C5: variants seen among roughly 807,000 people sequenced by gnomAD.
C5 encodes the protein complement C5, also known as C3 and PZP-like alpha-2-macroglobulin domain-containing protein 4.
A neutral mutation model predicts 218.8 loss-of-function variants in C5; 140 were observed. The observed-to-expected ratio is 0.64, with a 90% CI of 0.56 to 0.74. The LOEUF is 0.74. Ranked by LOEUF, C5 falls within the 30% of genes least tolerant of loss-of-function variation. The pLI, the probability that C5 is intolerant of heterozygous loss-of-function variation, is 0.00. For missense variants in C5, 1,700 were observed against 1,969.6 expected (o/e 0.86, Z 2.59); for synonymous variants, 614 against 682.3 (o/e 0.90, Z 1.56).
intron 11 of C5, among the ~76,000 whole-genome samples, chr9:121,021,081 G>A (rs184333576): frequency 2.0e-5 from 3 of 152,228 alleles, no homozygotes; most frequent in East Asian, 3.9e-4. Context: ...TATTTGCTGC[G>A]AGAGAAGACT....
chr9:121,069,979 A>T, the C5 span, among the ~76,000 whole-genome samples: 1 of 152,220 alleles, frequency 6.6e-6, no homozygotes, highest in Non-Finnish European at 1.5e-5. Context: ...TATCAAAGAC[A>T]CGTCTGCATC....
chr9:121,065,651 A>AATTTTT, the C5 span, among the ~76,000 whole-genome samples: 1,223 of 152,168 alleles, frequency 8.0e-3, 10 homozygotes, highest in East Asian at 0.03. Context: ...ACACCTGGCT[A>AATTTTT]ATTTTTATTT....
rs138510251 is a variant in C5, at chr9:120,960,274, G to A, written c.4652C>T (p.Thr1551Ile). The A allele has an allele frequency of 1.9e-6, 3 of 1,612,908 alleles. No homozygotes were observed. Among genetic ancestry groups the A allele is most frequent in the Admixed American group, 1.7e-5 (1 of 60,016 alleles). The change falls in exon 38 of 41, where the codon ACA becomes ATA. Residue 1551 changes from threonine to isoleucine, a missense_variant. Transcript: ENST00000223642. Reference protein sequence around the residue: ...LTISAETRKQTACKPEIAYAY... With the variant: ...LTISAETRKQIACKPEIAYAY... Reference sequence around the variant, plus strand: ...ATATGCAATCTCTGGTTTACATGCTGTTTGTTTTCTTGTCTCTGCAGAGAT... The same window carrying A: ...ATATGCAATCTCTGGTTTACATGCTATTTGTTTTCTTGTCTCTGCAGAGAT...
At position 121,021,525 on chromosome 9, in the gene C5, G is replaced by T. The variant is rs145461325; in HGVS notation, c.1286C>A (p.Thr429Lys). The change falls in exon 11 of 41, where the codon ACG becomes AAG. Residue 429 changes from threonine (T) to lysine (K), a missense_variant. Coordinates refer to ENST00000223642, the MANE Select transcript of C5 (RefSeq NM_001735.3). The part of the protein sequence containing the change: ...SFVLNLPSGV[T>K]VLEFNVKTDA... ...TCAGCTCACATTAAACTCCAGCACC[G>T]TCACTCCAGATGGGAGATTAAGCAC... The T allele has an allele frequency of 1.8e-4, 293 of 1,613,036 alleles. No individual in the cohort carries two copies. Among genetic ancestry groups the T allele is most frequent in the Admixed American group, 1.2e-3 (74 of 59,998 alleles).
rs759258630 is a variant in C5 at position 121,034,805 on chromosome 9, A to G, written c.582T>C (p.Pro194=). Residue 194 remains proline (P), a splice_region_variant and synonymous_variant, in exon 5 of 41, where the codon CCT becomes CCC. Coordinates refer to ENST00000223642, the MANE Select transcript of C5 (RefSeq NM_001735.3). ...SFPDFKIPSN[P]RYGMWTIKAK... Reference sequence around the variant, plus strand: ...TATTAACAACTATTTTTACATACCTAGGATTAGACGGAATCTTGAAGTCAG... The same window carrying G: ...TATTAACAACTATTTTTACATACCTGGGATTAGACGGAATCTTGAAGTCAG... The G allele has an allele frequency of 2.6e-6, 4 of 1,518,472 alleles. No homozygotes were observed. In the South Asian group the frequency reaches 4.5e-5, roughly 17 times the overall value. 94.1% of individuals were successfully genotyped at this position (1,518,472 alleles called of 1,614,324 possible). A position where few individuals can be genotyped will look rare whatever the true frequency, so the allele number is the denominator to read the frequency against.
chr9:121,042,639 CT>C (rs2047591001), intron 3 of C5, among the ~76,000 whole-genome samples: 2 of 152,190 alleles, frequency 1.3e-5, no homozygotes, highest in African/African-American at 4.8e-5. Context: ...GTTTTCCAAA[CT>C]TTTACAATAA....
chr9:121,061,204 G>A, the C5 span, among the ~76,000 whole-genome samples: 1 of 150,866 alleles, frequency 6.6e-6, no homozygotes, highest in African/African-American at 2.4e-5. Context: ...AATAATAAAA[G>A]CCCAGAATCA....
chr9:120,982,680 GA>G lies in C5; in HGVS notation c.3364del (p.Ser1122HisfsTer6), dbSNP rs1172785743. On this transcript the variant is annotated frameshift_variant, in exon 26 of 41. Coordinates refer to ENST00000223642, the MANE Select transcript of C5 (RefSeq NM_001735.3). LOFTEE classifies it high-confidence loss of function. ...CTGTAATTTTATTGGTTGATACTGT[GA>G]ATTTTCCTTGAAAGATCCATTATCT... is the stretch of plus-strand genomic sequence containing the variant. ...QLDNGSFKENSQYQPIKLQGT... is the reference protein window; with the variant it reads ...QLDNGSFKENXQYQPIKLQGT... 6.2e-7 allele frequency: 1 copy of G among 1,606,766 alleles called. No individual in the cohort carries two copies.
At chr9:121,072,827 AAAAAAG>A in the C5 span, among the ~76,000 whole-genome samples, 2 of 151,316 alleles carry the variant, frequency 1.3e-5, no homozygotes, top group Admixed American at 6.6e-5. Context: ...AAAAAAAAAA[AAAAAAG>A]AAAAGAAAAA....
At chr9:120,991,147 G>C (rs1564142435) in intron 23 of C5, 44 bp downstream of exon 23, 1 of 1,118,602 alleles carries the variant, frequency 8.9e-7, no homozygotes, top group Admixed American at 1.7e-5. Context: ...TTTGTTTGAA[G>C]CACCAAGTGA....
At chr9:121,012,575 T>C (rs1302027567) in intron 17 of C5, among the ~76,000 whole-genome samples, 2 of 152,198 alleles carry the variant, frequency 1.3e-5, no homozygotes, top group Non-Finnish European at 2.9e-5. Flanking sequence ...TCTTAGACAC[T>C]GTACATCTCA....
At chr9:121,002,243 T>C (rs1564146462) in intron 20 of C5, among the ~76,000 whole-genome samples, 1,288 of 38,408 alleles carry the variant, frequency 0.034, 34 homozygotes, top group African/African-American at 0.075. Flanking sequence ...TATATGTATA[T>C]GTATATATAT....
intron 22 of C5, among the ~76,000 whole-genome samples, chr9:120,991,992 T>G (rs899501835): frequency 6.6e-6 from 1 of 152,176 alleles, no homozygotes; most frequent in African/African-American, 2.4e-5. Context: ...ACAATACAAG[T>G]GGAGCTGCAA....
chr9:120,981,806 T>G, intron 27 of C5, 38 bp downstream of exon 27: 1 of 1,388,592 alleles, frequency 7.2e-7, no homozygotes, highest in African/African-American at 1.4e-5. Flanking sequence ...AGTACAGAAA[T>G]AGATGATGGG....
At chr9:121,002,242 A>G (rs1482411337) in intron 20 of C5, among the ~76,000 whole-genome samples, 1 of 37,984 alleles carries the variant, frequency 2.6e-5, no homozygotes, top group East Asian at 1.9e-3. Context: ...ATATATGTAT[A>G]TGTATATATA....
rs182918168 is a variant in C5, at chr9:121,019,959, C to T, written c.1506+17G>A. The T allele has an allele frequency of 1.4e-6, 2 of 1,473,452 alleles. No homozygotes were observed. Among genetic ancestry groups the T allele is most frequent in the African/African-American group, 2.8e-5 (2 of 71,664 alleles). The allele number at this position is 1,473,452 out of a possible 1,614,324, so 91.3% of individuals were successfully genotyped here. ...CAGGTGGGGGAATAAGATGTAAATC[C>T]ATCATTATGTACTTACCAAGTAATT... On this transcript the variant is annotated intron_variant, in intron 12 of 40. Transcript: ENST00000223642.
chr9:120,963,723 C>T lies in C5; in HGVS notation c.4236G>A (p.Arg1412=), dbSNP rs768970432. The part of the protein sequence containing the change: ...IVACASYKPS[R]EESSSGSSHA... ...GAGAGGATCCAGATGATGATTCTTC[C>T]CTGCTGGGCTTGTAGCTAAAATAAA... The change falls in exon 34 of 41, where the codon AGG becomes AGA. Residue 1412 remains arginine (R), a synonymous_variant. Transcript: ENST00000223642. 2.8e-5 allele frequency: 45 copies of T among 1,612,608 alleles called. No homozygotes were observed. Among genetic ancestry groups the T allele is most frequent in the Non-Finnish European group, 3.6e-5 (43 of 1,178,910 alleles).
chr9:121,056,579 T>TAA, the C5 span, among the ~76,000 whole-genome samples: 1 of 152,004 alleles, frequency 6.6e-6, no homozygotes, highest in Non-Finnish European at 1.5e-5. Flanking sequence ...ATTCAATTGA[T>TAA]AAACTGAAAA....
intron 22 of C5, among the ~76,000 whole-genome samples, chr9:120,994,227 A>G (rs1358087652): frequency 6.6e-6 from 1 of 152,034 alleles, no homozygotes; most frequent in African/African-American, 2.4e-5. Flanking sequence ...AACACTTTTT[A>G]GCATTTTTTT....
Sources: allele counts gnomAD v4.1 joint callset (sites outside exome capture counted in the v4.1 genomes callset), GRCh38; gene constraint gnomAD v4.1.1; transcripts MANE v1.5; gene names NCBI Gene and HGNC (gene_info 2026-07-23, HGNC 2026-07-21).